The following C14orf132 variants were observed in gnomAD, a reference collection of about 807,000 sequenced individuals.
C14orf132 encodes uncharacterized protein C14orf132.
A neutral mutation model predicts 5.8 loss-of-function variants in C14orf132; 6 were observed. The observed-to-expected ratio is 1.03, with a 90% CI of 0.57 to 2.04. The LOEUF is 2.04. C14orf132 is among the 30% of genes most tolerant of loss of function. The pLI is 0.00. For missense variants in C14orf132, 125 were observed against 115.8 expected (o/e 1.08, Z -0.37); for synonymous variants, 51 against 49.8 (o/e 1.02, Z -0.10).
chr14:96,064,359 T>TAC (rs766139041), intron 1 of C14orf132, among the ~76,000 whole-genome samples: 5 of 98,666 alleles, frequency 5.1e-5, no homozygotes, highest in Non-Finnish European at 9.6e-5. Flanking sequence ...CTAGGGTGCA[T>TAC]ATATACACAC....
rs868341743 is a variant in C14orf132 at position 96,092,768 on chromosome 14, A to C, written c.*6033A>C. 1 of 152,222 alleles carries C rather than the reference A, an allele frequency of 6.6e-6. No homozygotes were observed. The highest frequency in any genetic ancestry group is 1.9e-4 in the East Asian group (1 of 5,192). 9.4% of individuals were successfully genotyped at this position (152,222 alleles called of 1,614,324 possible). Reference sequence around the variant, plus strand: ...GACACCTAACTATCGAGTTTTCACTAGGAGACTTAGTGGTGGCTTTCATGA... The same window carrying C: ...GACACCTAACTATCGAGTTTTCACTCGGAGACTTAGTGGTGGCTTTCATGA... On this transcript the variant is annotated 3_prime_UTR_variant, in exon 2 of 2. Coordinates refer to ENST00000555004, the MANE Select transcript of C14orf132 (RefSeq NM_001252507.3).
intron 1 of C14orf132, among the ~76,000 whole-genome samples, chr14:96,063,643 G>A (rs757892714): frequency 8.5e-5 from 13 of 152,088 alleles, no homozygotes; most frequent in South Asian, 2.1e-4. Context: ...CAAAAGTTAC[G>A]TCCCTACATT....
At chr14:96,085,838 A>C (rs1888163495) in intron 1 of C14orf132, among the ~76,000 whole-genome samples, 1 of 152,230 alleles carries the variant, frequency 6.6e-6, no homozygotes, top group Admixed American at 6.5e-5. Flanking sequence ...GGGAGTGGTT[A>C]AACTGTGGCT....
chr14:96,057,219 A>G (rs79120083), intron 1 of C14orf132, among the ~76,000 whole-genome samples: 1 of 152,194 alleles, frequency 6.6e-6, no homozygotes, highest in Non-Finnish European at 1.5e-5. Context: ...GATTAATGCC[A>G]TCTAAAAGGC....
At position 96,061,726 on chromosome 14, in the gene C14orf132, A is replaced by G. The variant is rs1486801905; in HGVS notation, c.27+22199A>G. 2.0e-5 allele frequency among the ~76,000 whole-genome samples: 3 copies of G among 152,084 alleles called. No homozygotes were observed. The East Asian group carries it at 5.8e-4, about 29-fold the overall frequency. ...GATGGCTTGAGGCCAGGAGCTGGAG[A>G]CCAGACAGGGCGGGTCTCTACAAAA... On this transcript the variant is annotated intron_variant, in intron 1 of 1. Coordinates refer to ENST00000555004, the MANE Select transcript of C14orf132 (RefSeq NM_001252507.3).
intron 1 of C14orf132, among the ~76,000 whole-genome samples, chr14:96,083,037 A>C (rs1888074527): frequency 6.6e-6 from 1 of 152,104 alleles, no homozygotes; most frequent in Non-Finnish European, 1.5e-5. Context: ...TCCCACACTG[A>C]CCATCCTCTT....
rs117422533 is a variant in C14orf132 at position 96,064,687 on chromosome 14, A to G, written c.28-21824A>G. ...TGAGAACTTGGGGGAAGAGTGGAAG[A>G]GGGGGCATAAAAGACTACAAATACG... On this transcript the variant is annotated intron_variant, in intron 1 of 1. Transcript: ENST00000555004. Among the ~76,000 whole-genome samples the G allele has an allele frequency of 4.2e-3, 644 of 151,976 alleles. 11 individuals are homozygous for G. In the East Asian group the frequency reaches 0.043, roughly 10 times the overall value.
chr14:96,073,625 C>G (rs958859165), intron 1 of C14orf132, among the ~76,000 whole-genome samples: 6 of 152,172 alleles, frequency 3.9e-5, no homozygotes, highest in Non-Finnish European at 7.3e-5. Context: ...GACTGTGTGG[C>G]AGTTCCTCAA....
At position 96,064,361 on chromosome 14, in the gene C14orf132, TATACACAC is replaced by T. The variant is rs1230220884; in HGVS notation, c.28-22148_28-22141del. 3.6e-4 allele frequency among the ~76,000 whole-genome samples: 35 copies of T among 97,868 alleles called. No individual in the cohort carries two copies. In the Middle Eastern group the frequency reaches 0.014, roughly 40 times the overall value. The allele number at this position is 97,868 out of a possible 152,430, so 64.2% of individuals were successfully genotyped here. ...GTGGATAAAGAAACTAGGGTGCATA[TATACACAC>T]ACACACACACACACACACACACACA... On this transcript the variant is annotated intron_variant, in intron 1 of 1. Transcript: ENST00000555004.
chr14:96,048,211 A>G (rs1016259796), intron 1 of C14orf132, among the ~76,000 whole-genome samples: 1 of 152,180 alleles, frequency 6.6e-6, no homozygotes, highest in Non-Finnish European at 1.5e-5. Flanking sequence ...AAAACACTCC[A>G]AAGTCCATAG....
chr14:96,049,612 AT>A (rs1290745908), intron 1 of C14orf132, among the ~76,000 whole-genome samples: 1 of 108,852 alleles, frequency 9.2e-6, no homozygotes, highest in African/African-American at 3.9e-5. Context: ...ATATATATAC[AT>A]ATATACGTAT....
chr14:96,046,367 C>T (rs555913301), intron 1 of C14orf132, among the ~76,000 whole-genome samples: 1 of 152,260 alleles, frequency 6.6e-6, no homozygotes, highest in South Asian at 2.1e-4. Flanking sequence ...TGTATTATCT[C>T]TAGACTAAAC....
chr14:96,067,344 G>A (rs1353046774), intron 1 of C14orf132, among the ~76,000 whole-genome samples: 1 of 152,160 alleles, frequency 6.6e-6, no homozygotes, highest in Non-Finnish European at 1.5e-5. Context: ...GGCTCTGGGT[G>A]GGACCCCTTT....
chr14:96,070,706 C>T (rs1236768923), intron 1 of C14orf132, among the ~76,000 whole-genome samples: 1 of 151,966 alleles, frequency 6.6e-6, no homozygotes, highest in Admixed American at 6.6e-5. Context: ...TTTCTAGAGG[C>T]AGTTTCTGCA....
At chr14:96,055,471 A>G (rs1434460151) in intron 1 of C14orf132, among the ~76,000 whole-genome samples, 2 of 152,188 alleles carry the variant, frequency 1.3e-5, no homozygotes, top group Admixed American at 1.3e-4. Flanking sequence ...TCTATTCAAA[A>G]GGCACACAGA....
rs373377678 is a variant in C14orf132 at position 96,090,709 on chromosome 14, G to A, written c.*3974G>A. The A allele has an allele frequency of 1.5e-5, 7 of 456,086 alleles. No individual in the cohort carries two copies. In the East Asian group the frequency reaches 3.5e-4, roughly 23 times the overall value. The allele number at this position is 456,086 out of a possible 1,614,324, so 28.3% of individuals were successfully genotyped here. The stretch of plus-strand genomic sequence containing the variant: ...AGGATCTGAGGGAGAAAGGATGGGA[G>A]GAGGGGCAGCAGCATTTCGCTGGAA... On this transcript the variant is annotated 3_prime_UTR_variant, in exon 2 of 2. Transcript: ENST00000555004.
At chr14:96,069,656 A>G (rs35696002) in intron 1 of C14orf132, among the ~76,000 whole-genome samples, 65,888 of 151,950 alleles carry the variant, frequency 0.43, 15,920 homozygotes, top group East Asian at 0.6. Context: ...TCAAAGGCCC[A>G]GGACTCAGAG....
intron 1 of C14orf132, among the ~76,000 whole-genome samples, chr14:96,045,441 C>T (rs766439288): frequency 3.9e-5 from 6 of 151,962 alleles, no homozygotes; most frequent in Non-Finnish European, 7.4e-5. Context: ...GCAGAGGGGT[C>T]AGGTGGTGAG....
At chr14:96,075,967 A>AT (rs1186017229) in intron 1 of C14orf132, among the ~76,000 whole-genome samples, 1 of 152,066 alleles carries the variant, frequency 6.6e-6, no homozygotes, top group Non-Finnish European at 1.5e-5. Flanking sequence ...CTCTCCTCTT[A>AT]TTTTTTGGAA....
Sources: allele counts gnomAD v4.1 joint callset (sites outside exome capture counted in the v4.1 genomes callset), GRCh38; gene constraint gnomAD v4.1.1; transcripts MANE v1.5; gene names NCBI Gene and HGNC (gene_info 2026-07-23, HGNC 2026-07-21).